TATDN2: variants seen among roughly 807,000 people sequenced by gnomAD.
TATDN2 encodes 3'-5' RNA nuclease TATDN2.
TATDN2 carries 44 observed loss-of-function variants against 60.3 expected under a neutral mutation model. The ratio of observed to expected loss-of-function variants is 0.73; its 90% CI spans 0.57 to 0.94. The LOEUF (loss-of-function observed/expected upper bound fraction) is 0.94, where lower values mean the gene tolerates loss of function less well. Ranked by LOEUF, TATDN2 falls within the 40% of genes least tolerant of loss-of-function variation. The pLI is 0.00. For missense variants in TATDN2, 997 were observed against 948.0 expected, an observed-to-expected ratio of 1.05 and a Z score of -0.68; for synonymous variants, 399 against 355.8, an observed-to-expected ratio of 1.12 and a Z score of -1.37.
At position 10,278,411 on chromosome 3, in the gene TATDN2, A is replaced by C; in HGVS notation, c.2094A>C (p.Pro698=). ...WEAREALRQI[P]LERIIVETDA... is the part of the protein sequence containing the mutation. ...CCCGGGAAGCCTTGAGGCAGATCCC[A>C]CTGGAGAGAATCATCGTGGAAACGG... The change falls in exon 6 of 8, where the codon CCA becomes CCC. Residue 698 remains proline (P), a synonymous_variant. Transcript: ENST00000448281. This position sits in a 1 kb window ranked among gnomAD's most constrained non-coding sequence, Gnocchi z 4.7. The C allele has an allele frequency of 6.2e-7, 1 of 1,614,036 alleles. No homozygotes were observed. The highest frequency in any genetic ancestry group is 8.5e-7 in the Non-Finnish European group (1 of 1,179,948).
In TATDN2 at chr3:10,276,373, C is replaced by G. The variant is rs748783929; in HGVS notation, c.1846C>G (p.Gln616Glu). ...TGTCCTCTCCTAGGTATTTGAGAGA[C>G]AGCTGCAGCTGGCTGTGTCTCTAAA... ...VPEQHKVFER[Q>E]LQLAVSLKKP... Residue 616 changes from glutamine to glutamate, a missense_variant, in exon 5 of 8, where the codon CAG becomes GAG. Transcript: ENST00000448281. 1 of 1,613,922 alleles carries G rather than the reference C, an allele frequency of 6.2e-7. No individual in the cohort carries two copies. The highest frequency in any genetic ancestry group is 8.5e-7 in the Non-Finnish European group (1 of 1,179,922).
At chr3:10,263,803 G>A (rs1477829163) in intron 3 of TATDN2, among the ~76,000 whole-genome samples, 2 of 152,168 alleles carry the variant, frequency 1.3e-5, no homozygotes, top group Non-Finnish European at 2.9e-5. Context: ...AAGAATGGGA[G>A]GATTAAAAAG....
chr3:10,254,484 G>A (rs561168582), intron 2 of TATDN2, among the ~76,000 whole-genome samples: 23 of 152,332 alleles, frequency 1.5e-4, no homozygotes, highest in Admixed American at 7.8e-4. Context: ...TTGCGTGTTT[G>A]GAGGAAGGCA....
chr3:10,260,482 C>G lies in TATDN2; in HGVS notation c.760C>G (p.Pro254Ala), dbSNP rs1385071044. ...TAAQKEKDAT[P>A]EVSMEEDKTV... is the part of the protein sequence containing the mutation. ...TGCTCAGAAGGAGAAAGACGCAACC[C>G]CAGAGGTCAGCATGGAGGAGGATAA... The change falls in exon 3 of 8, where the codon CCA becomes GCA. Residue 254 changes from proline to alanine, a missense_variant. By Grantham distance (27) the Pro-to-Ala change is conservative. Transcript: ENST00000448281. 6.2e-7 allele frequency: 1 copy of G among 1,613,988 alleles called. No individual in the cohort carries two copies.
chr3:10,269,532 G>C (rs1458443804), intron 3 of TATDN2, among the ~76,000 whole-genome samples: 2 of 152,034 alleles, frequency 1.3e-5, no homozygotes, highest in African/African-American at 4.8e-5. Flanking sequence ...AATATAGGGA[G>C]ACCCCCTACC....
At chr3:10,254,915 C>T (rs957684081) in intron 2 of TATDN2, among the ~76,000 whole-genome samples, 2 of 152,158 alleles carry the variant, frequency 1.3e-5, no homozygotes, top group Non-Finnish European at 2.9e-5. Flanking sequence ...AACTCATCCT[C>T]GGTGTCGTTG....
intron 3 of TATDN2, among the ~76,000 whole-genome samples, chr3:10,267,849 G>C (rs242375): frequency 0.17 from 25,168 of 152,112 alleles, 2,744 homozygotes; most frequent in Non-Finnish European, 0.24. Context: ...CTATACAAAA[G>C]TAGACTTGTA....
intron 3 of TATDN2, among the ~76,000 whole-genome samples, chr3:10,266,387 A>G (rs74821474): frequency 1.6e-4 from 24 of 152,304 alleles, no homozygotes; most frequent in African/African-American, 5.1e-4. Context: ...CTGGACGACA[A>G]TTAGGTTTTC....
At chr3:10,273,778 G>C (rs189304008) in intron 4 of TATDN2, among the ~76,000 whole-genome samples, 6 of 152,270 alleles carry the variant, frequency 3.9e-5, no homozygotes, top group Admixed American at 6.5e-5. Context: ...GCTGGTTAGA[G>C]CAAATTACTG....
intron 2 of TATDN2, among the ~76,000 whole-genome samples, chr3:10,254,089 G>A (rs1185340372): frequency 2.0e-5 from 3 of 152,216 alleles, no homozygotes; most frequent in Non-Finnish European, 4.4e-5. Context: ...TAGAGCTTTT[G>A]CACATCCCCT....
chr3:10,275,384 G>A (rs772617837), intron 4 of TATDN2, among the ~76,000 whole-genome samples: 1 of 152,214 alleles, frequency 6.6e-6, no homozygotes, highest in Non-Finnish European at 1.5e-5. Flanking sequence ...TTAAAAGTGG[G>A]TAGTGTTATA....
Position 10,270,722 on chromosome 3 carries a change from A to C in TATDN2, c.1540A>C (p.Thr514Pro), listed in dbSNP as rs1211621500. Reference protein sequence around the residue: ...MLYSKLSFQGTFTKFRKIYSS... With the variant: ...MLYSKLSFQGPFTKFRKIYSS... The stretch of plus-strand genomic sequence containing the variant: ...CTATTCCAAGCTATCTTTCCAAGGG[A>C]CCTTTACAAAGTTCAGAAAAATTTA... The change falls in exon 4 of 8, where the codon ACC (threonine) becomes CCC (proline). Residue 514 changes from threonine to proline, a missense_variant. Transcript: ENST00000448281. 6.2e-7 allele frequency: 1 copy of C among 1,614,142 alleles called. No homozygotes were observed. Among genetic ancestry groups the C allele is most frequent in the Non-Finnish European group, 8.5e-7 (1 of 1,180,018 alleles).
Position 10,278,835 on chromosome 3 carries a change from G to T in TATDN2, c.2146-50G>T. On this transcript the variant is annotated intron_variant, in intron 6 of 7. Transcript: ENST00000448281. This position sits in a 1 kb window ranked among gnomAD's most constrained non-coding sequence, Gnocchi z 4.7. Reference sequence around the variant, plus strand: ...GGACAGGGAGGGAGTTCTAGATTATGACTGTGCACACATGGCACAATGATG... The same window carrying T: ...GGACAGGGAGGGAGTTCTAGATTATTACTGTGCACACATGGCACAATGATG... 6.2e-7 allele frequency: 1 copy of T among 1,613,302 alleles called. No individual in the cohort carries two copies. Among genetic ancestry groups the T allele is most frequent in the Non-Finnish European group, 8.5e-7 (1 of 1,179,794 alleles).
chr3:10,250,509 C>G (rs889473549), intron 2 of TATDN2, among the ~76,000 whole-genome samples: 1 of 151,934 alleles, frequency 6.6e-6, no homozygotes, highest in African/African-American at 2.4e-5. Flanking sequence ...TGGGCTGCCT[C>G]TAGAGAAAAT....
intron 2 of TATDN2, among the ~76,000 whole-genome samples, chr3:10,254,892 T>G (rs1432010233): frequency 6.6e-6 from 1 of 152,190 alleles, no homozygotes; most frequent in Non-Finnish European, 1.5e-5. Context: ...TAGAGCCAAC[T>G]GTCACCTGCT....
At chr3:10,268,874 C>T (rs981272681) in intron 3 of TATDN2, among the ~76,000 whole-genome samples, 1 of 152,042 alleles carries the variant, frequency 6.6e-6, no homozygotes, top group Admixed American at 6.6e-5. Context: ...AGGACTAAGC[C>T]GATTTAATGC....
At chr3:10,261,317 AT>A (rs1421886823) in intron 3 of TATDN2, among the ~76,000 whole-genome samples, 4 of 151,218 alleles carry the variant, frequency 2.6e-5, no homozygotes, top group African/African-American at 9.7e-5. Context: ...GAAACTAGTG[AT>A]TTTTAACATA....
chr3:10,278,850 G>T lies in TATDN2; in HGVS notation c.2146-35G>T. 1 of 1,613,770 alleles carries T rather than the reference G, an allele frequency of 6.2e-7. No homozygotes were observed. The highest frequency in any genetic ancestry group is 1.1e-5 in the South Asian group (1 of 91,072). On this transcript the variant is annotated intron_variant, in intron 6 of 7. Transcript: ENST00000448281. The surrounding 1 kb of genome is among the most constrained non-coding windows in gnomAD (Gnocchi z 4.7). ...TCTAGATTATGACTGTGCACACATG[G>T]CACAATGATGTTATGACCACTTGAT... is the stretch of plus-strand genomic sequence containing the variant.
intron 3 of TATDN2, among the ~76,000 whole-genome samples, chr3:10,263,989 G>A (rs1181101240): frequency 6.6e-6 from 1 of 152,196 alleles, no homozygotes; most frequent in African/African-American, 2.4e-5. Flanking sequence ...GAGCTGGGTA[G>A]CGAAAGGGGC....
Sources: gnomAD v4.1 joint callset for allele counts (sites outside exome capture counted in the v4.1 genomes callset) on GRCh38, gnomAD v4.1.1 for gene constraint, Gnocchi (gnomAD v3.1) non-coding constraint, MANE v1.5 for transcripts, NCBI Gene and HGNC (gene_info 2026-07-23, HGNC 2026-07-21) for gene names.